The following CBY1 variants were observed in gnomAD, a reference collection of about 807,000 sequenced individuals.
The protein encoded by CBY1 is chibby 1, beta catenin antagonist.
In CBY1, 10 loss-of-function variants were observed where a neutral mutation model predicts 15.6. The observed-to-expected ratio is 0.64, with a 90% confidence interval of 0.40 to 1.09. The LOEUF is 1.09. Among genes scored for constraint, CBY1 ranks in the 50% least tolerant of loss-of-function variants. CBY1 has a pLI of 0.01. For missense variants in CBY1, 150 were observed against 160.5 expected, an observed-to-expected ratio of 0.93 and a Z score of 0.35; for synonymous variants, 61 against 63.5, an observed-to-expected ratio of 0.96 and a Z score of 0.19.
intron 1 of CBY1, among the ~76,000 whole-genome samples, chr22:38,667,288 G>C (rs2092439506): frequency 6.6e-6 from 1 of 152,116 alleles, no homozygotes; most frequent in African/African-American, 2.4e-5. Context: ...TGAGACTGTA[G>C]TTGTGTGCCA....
intron 1 of CBY1, among the ~76,000 whole-genome samples, chr22:38,664,053 A>G (rs1027300893): frequency 6.6e-6 from 1 of 151,992 alleles, no homozygotes; most frequent in Non-Finnish European, 1.5e-5. Flanking sequence ...AGCAAAAAGA[A>G]AAAAGTGGGA....
In CBY1 at chr22:38,670,697, A is replaced by G. The variant is rs551236943; in HGVS notation, c.79-187A>G. 30 of 574,768 alleles carry G rather than the reference A, an allele frequency of 5.2e-5. 1 individual carries two copies. In the African/African-American group the frequency reaches 5.2e-4, roughly 10 times the overall value. The allele number at this position is 574,768 out of a possible 1,614,324, so 35.6% of individuals were successfully genotyped here. ...AAACATCTAATGTATAAAACAGTAT[A>G]TTTTTTATCTCACAATTAAACTTTT... On this transcript the variant is annotated intron_variant, in intron 2 of 4. Transcript: ENST00000216029.
intron 1 of CBY1, among the ~76,000 whole-genome samples, chr22:38,666,108 G>T (rs954968447): frequency 6.6e-6 from 1 of 151,540 alleles, no homozygotes; most frequent in Non-Finnish European, 1.5e-5. Context: ...AAAGTGCTGG[G>T]ATTTCAGGTA....
chr22:38,672,910 C>T (rs987954760), intron 4 of CBY1, among the ~76,000 whole-genome samples: 3 of 152,140 alleles, frequency 2.0e-5, no homozygotes, highest in Non-Finnish European at 2.9e-5. Context: ...CTCCTTCGTG[C>T]AGGGAGTGCC....
chr22:38,667,066 A>G (rs1287126093), intron 1 of CBY1, among the ~76,000 whole-genome samples: 1 of 151,502 alleles, frequency 6.6e-6, no homozygotes, highest in Non-Finnish European at 1.5e-5. Context: ...GCTGGAGTGC[A>G]GTGGCATGAT....
intron 4 of CBY1, 143 bp from the exon 5 acceptor site, chr22:38,673,016 T>C: frequency 1.7e-6 from 1 of 600,206 alleles, no homozygotes; most frequent in East Asian, 3.0e-5. Flanking sequence ...TTCTACCCAG[T>C]TACAGAGGGT....
chr22:38,671,231 G>A, intron 4 of CBY1, 43 bp downstream of exon 4: 1 of 1,420,342 alleles, frequency 7.0e-7, no homozygotes, highest in Non-Finnish European at 1.0e-6. Context: ...TTCTCCTTTT[G>A]GGGAGGCTCC....
At chr22:38,665,734 G>T in intron 1 of CBY1, 1 of 1,228,664 alleles carries the variant, frequency 8.1e-7, no homozygotes, top group South Asian at 4.1e-5. Flanking sequence ...TCTGGAGGGT[G>T]GTTTTAAAAA....
At chr22:38,664,470 CAAAA>C (rs35322853) in intron 1 of CBY1, among the ~76,000 whole-genome samples, 1 of 92,036 alleles carries the variant, frequency 1.1e-5, no homozygotes, top group Non-Finnish European at 2.3e-5. Context: ...GACTCCATCT[CAAAA>C]AAAAAAAAAA....
At chr22:38,670,602 AAAC>A (rs1381194030) in intron 2 of CBY1, 1 of 309,438 alleles carries the variant, frequency 3.2e-6, no homozygotes, top group Non-Finnish European at 6.1e-6. Context: ...AGGATTGCTT[AAAC>A]TATTAAGTGT....
chr22:38,663,656 A>G (rs542791748), intron 1 of CBY1, among the ~76,000 whole-genome samples: 4 of 144,550 alleles, frequency 2.8e-5, no homozygotes, highest in Non-Finnish European at 6.0e-5. Context: ...AGATGGCGCC[A>G]TTGCACTTCA....
At position 38,668,111 on chromosome 22, in the gene CBY1, A is replaced by ATC. The variant is rs1318058212; in HGVS notation, c.64_65dup (p.Asn23ProfsTer24). On this transcript the variant is annotated frameshift_variant, in exon 2 of 5. Transcript: ENST00000216029. LOFTEE classifies it high-confidence loss of function. ...AGAAGACACCTCCTCGGAAGTCGGCATCTCTCTCCAACCTGCATTCTGTGA... is the reference window on the plus strand; with the variant it reads ...AGAAGACACCTCCTCGGAAGTCGGCATCTCTCTCTCCAACCTGCATTCTGTGA... 1.2e-6 allele frequency: 2 copies of ATC among 1,611,474 alleles called. No individual in the cohort carries two copies. Among genetic ancestry groups the ATC allele is most frequent in the South Asian group, 1.1e-5 (1 of 91,010 alleles).
chr22:38,657,601 G>T (rs1008823039), intron 1 of CBY1, among the ~76,000 whole-genome samples: 1 of 152,242 alleles, frequency 6.6e-6, no homozygotes. Context: ...GACTTAAAAG[G>T]TAGCTAATCC....
chr22:38,663,639 T>C lies in CBY1; in HGVS notation c.-38-4378T>C, dbSNP rs1277958498. Among the ~76,000 whole-genome samples the C allele has an allele frequency of 1.4e-4, 20 of 140,824 alleles. 1 individual carries two copies. In the South Asian group the frequency reaches 4.1e-3, roughly 29 times the overall value. 92.4% of individuals were successfully genotyped at this position (140,824 alleles called of 152,430 possible). A position where few individuals can be genotyped will look rare whatever the true frequency, so the allele number is the denominator to read the frequency against. On this transcript the variant is annotated intron_variant, in intron 1 of 4. Coordinates refer to ENST00000216029, the MANE Select transcript of CBY1 (RefSeq NM_015373.4). Reference sequence around the variant, plus strand: ...TGAACCCGGGAGGTGGAGGTTGCGGTGTGCTGAGATGGCGCCATTGCACTT... The same window carrying C: ...TGAACCCGGGAGGTGGAGGTTGCGGCGTGCTGAGATGGCGCCATTGCACTT...
At chr22:38,660,071 G>GA in intron 1 of CBY1, among the ~76,000 whole-genome samples, 1 of 152,104 alleles carries the variant, frequency 6.6e-6, no homozygotes, top group East Asian at 1.9e-4. Context: ...GAGTGCCCTT[G>GA]AAAGAATTAT....
intron 2 of CBY1, chr22:38,670,612 G>C: frequency 2.9e-6 from 1 of 340,408 alleles, no homozygotes; most frequent in Non-Finnish European, 5.5e-6. Context: ...AAACTATTAA[G>C]TGTCAAGTAG....
At chr22:38,665,819 G>A (rs2092434187) in intron 1 of CBY1, 3 of 620,042 alleles carry the variant, frequency 4.8e-6, no homozygotes, top group Non-Finnish European at 6.9e-6. Context: ...CAGGTCACTT[G>A]AGGTCAGGAG....
rs2092442118 is a variant in CBY1 at position 38,668,122 on chromosome 22, A to T, written c.68A>T (p.Asn23Ile). Residue 23 changes from asparagine to isoleucine, a missense_variant, in exon 2 of 5, where the codon AAC becomes ATC. By Grantham distance (149) the Asn-to-Ile change is moderately radical (BLOSUM62 -3). Transcript: ENST00000216029. ...TPPRKSASLS[N>I]LHSLDRSTRE... ...CCTCGGAAGTCGGCATCTCTCTCCA[A>T]CCTGCATTCTGTGAGTGTCGGTACT... is the stretch of plus-strand genomic sequence containing the variant. 16 of 1,604,562 alleles carry T rather than the reference A, an allele frequency of 1.0e-5. No homozygotes were observed. Among genetic ancestry groups the T allele is most frequent in the Non-Finnish European group, 1.4e-5 (16 of 1,171,556 alleles).
chr22:38,671,518 T>C (rs942473238), intron 4 of CBY1: 3 of 333,364 alleles, frequency 9.0e-6, no homozygotes, highest in Non-Finnish European at 1.7e-5. Context: ...ATGGCAGGAA[T>C]AGAGGTTAGA....
Sources: gnomAD v4.1 joint callset for allele counts (sites outside exome capture counted in the v4.1 genomes callset) on GRCh38, gnomAD v4.1.1 for gene constraint, MANE v1.5 for transcripts, NCBI Gene and HGNC (gene_info 2026-07-23, HGNC 2026-07-21) for gene names.